Variants in PFKP observed in about 807,000 individuals in gnomAD.
PFKP encodes the protein phosphofructokinase, platelet, also known as ATP-dependent 6-phosphofructokinase, platelet type.
Under a neutral mutation model 94.3 loss-of-function variants are expected in PFKP, and 101 were observed. The ratio of observed to expected loss-of-function variants is 1.07; its 90% CI spans 0.91 to 1.26. The LOEUF (loss-of-function observed/expected upper bound fraction) is 1.26, where lower values mean the gene tolerates loss of function less well. PFKP is among the 50% of genes most tolerant of loss of function. PFKP has a pLI of 0.00. For synonymous variants in PFKP, 573 were observed against 432.6 expected, an observed-to-expected ratio of 1.32 and a Z score of -4.03; for missense variants, 1,145 against 1,103.3, an observed-to-expected ratio of 1.04 and a Z score of -0.53.
rs376674545 is a variant in PFKP, at chr10:3,135,872, C to A, written c.2225+34C>A. On this transcript the variant is annotated intron_variant, in intron 21 of 21. Coordinates refer to ENST00000381125, the MANE Select transcript of PFKP (RefSeq NM_002627.5). ...GCTGGGTTCCCTGAGGCAATAAGACCCCAATGTGAGTACGGGACAGGGGAA... is the reference window on the plus strand; with the variant it reads ...GCTGGGTTCCCTGAGGCAATAAGACACCAATGTGAGTACGGGACAGGGGAA... 9.2e-6 allele frequency: 12 copies of A among 1,307,366 alleles called. No homozygotes were observed. The African/African-American group carries it at 1.7e-4, about 19-fold the overall frequency. The allele number at this position is 1,307,366 out of a possible 1,614,324, so 81.0% of individuals were successfully genotyped here. A position where few individuals can be genotyped will look rare whatever the true frequency, so the allele number is the denominator to read the frequency against.
chr10:3,125,263 G>A lies in PFKP; in HGVS notation c.1684-4556G>A, dbSNP rs563460708. 46 of 1,283,756 alleles carry A rather than the reference G, an allele frequency of 3.6e-5. No individual in the cohort carries two copies. The South Asian group carries it at 4.1e-4, about 11-fold the overall frequency. 79.5% of individuals were successfully genotyped at this position (1,283,756 alleles called of 1,614,324 possible). A position where few individuals can be genotyped will look rare whatever the true frequency, so the allele number is the denominator to read the frequency against. ...GCTGTTGTTGAGGTAAGAGAACCCC[G>A]TTTCCTCTCATTGCTTTTCCGTCAT... On this transcript the variant is annotated intron_variant, in intron 16 of 21. Transcript: ENST00000381125.
chr10:3,092,929 T>C (rs12414599), intron 2 of PFKP, among the ~76,000 whole-genome samples: 26,521 of 145,252 alleles, frequency 0.18, 3,142 homozygotes, highest in East Asian at 0.49. Flanking sequence ...GATGTGTAGA[T>C]GGGGGTGGCC....
chr10:3,090,480 T>G (rs1184662577), intron 2 of PFKP, among the ~76,000 whole-genome samples: 1 of 152,202 alleles, frequency 6.6e-6, no homozygotes, highest in Non-Finnish European at 1.5e-5. Flanking sequence ...TCCATGGGTG[T>G]GTGGCCAGGT....
intron 1 of PFKP, 22 bp from the exon 2 acceptor site, chr10:3,082,366 C>T: frequency 1.9e-6 from 3 of 1,593,718 alleles, no homozygotes; most frequent in Non-Finnish European, 2.6e-6. Context: ...TTCAGTGACT[C>T]TTGCTCCTGT....
intron 1 of PFKP, among the ~76,000 whole-genome samples, chr10:3,079,491 C>T (rs1365229214): frequency 6.6e-6 from 1 of 152,140 alleles, no homozygotes; most frequent in Admixed American, 6.5e-5. Context: ...ACCTAGGCCT[C>T]CCAAAGCACT....
At chr10:3,132,077 C>T (rs1838649654) in intron 17 of PFKP, among the ~76,000 whole-genome samples, 1 of 152,096 alleles carries the variant, frequency 6.6e-6, no homozygotes, top group African/African-American at 2.4e-5. Flanking sequence ...GCAATAGAGC[C>T]ATGAATGATC....
chr10:3,086,879 C>G (rs1377805494), intron 2 of PFKP, among the ~76,000 whole-genome samples: 1 of 152,116 alleles, frequency 6.6e-6, no homozygotes, highest in East Asian at 1.9e-4. Context: ...TGTCCTCAGA[C>G]CTGTGCCTGC....
intron 10 of PFKP, among the ~76,000 whole-genome samples, chr10:3,111,806 C>T (rs756040449): frequency 6.6e-6 from 1 of 152,140 alleles, no homozygotes; most frequent in Non-Finnish European, 1.5e-5. Flanking sequence ...CATCCCACAT[C>T]CCCCAGTGAG....
chr10:3,135,947 G>A, intron 21 of PFKP, 109 bp downstream of exon 21: 1 of 703,696 alleles, frequency 1.4e-6, no homozygotes, highest in South Asian at 1.7e-5. Flanking sequence ...TGAGGAACTG[G>A]CTTTTCTGAA....
chr10:3,122,072 C>CT (rs1837489273), intron 16 of PFKP, among the ~76,000 whole-genome samples: 1 of 151,800 alleles, frequency 6.6e-6, no homozygotes, highest in Non-Finnish European at 1.5e-5. Context: ...ATCCCCCTGT[C>CT]TTGGGCTCTC....
chr10:3,104,913 G>T (rs1835386450), intron 5 of PFKP: 1 of 650,804 alleles, frequency 1.5e-6, no homozygotes, highest in African/African-American at 1.8e-5. Flanking sequence ...CCTCGCAGGA[G>T]TCTGGAAGGC....
intron 4 of PFKP, among the ~76,000 whole-genome samples, chr10:3,102,197 G>A (rs1403388434): frequency 7.8e-6 from 1 of 129,018 alleles, no homozygotes; most frequent in Non-Finnish European, 1.6e-5. Context: ...CTTGCAGTGA[G>A]CCGAGGTCCC....
At chr10:3,073,006 A>G (rs1025325462) in intron 1 of PFKP, among the ~76,000 whole-genome samples, 1 of 151,868 alleles carries the variant, frequency 6.6e-6, no homozygotes, top group Non-Finnish European at 1.5e-5. Flanking sequence ...TAGCTGCCCA[A>G]AGGCTACAGT....
chr10:3,127,951 A>G (rs1415791057), intron 16 of PFKP, among the ~76,000 whole-genome samples: 2 of 152,224 alleles, frequency 1.3e-5, no homozygotes, highest in African/African-American at 2.4e-5. Context: ...TGCTCAAGTG[A>G]ACATTTCCCA....
chr10:3,113,564 A>G, intron 13 of PFKP, 46 bp downstream of exon 13: 1 of 1,579,976 alleles, frequency 6.3e-7, no homozygotes, highest in East Asian at 2.2e-5. Flanking sequence ...CCTGGCTGTG[A>G]GCACAGTGGA....
chr10:3,068,557 T>G, intron 1 of PFKP: 1 of 512,014 alleles, frequency 2.0e-6, no homozygotes, highest in Non-Finnish European at 2.5e-6. Context: ...TTCCCTGCCC[T>G]GCAATGTGGA....
chr10:3,117,784 C>T (rs879345848), intron 14 of PFKP, among the ~76,000 whole-genome samples: 10 of 152,140 alleles, frequency 6.6e-5, no homozygotes, highest in Non-Finnish European at 1.2e-4. Context: ...AGGGCCAGGG[C>T]GTTGCTCTCG....
Position 3,135,235 on chromosome 10 carries a change from T to C in PFKP, c.2123-501T>C, listed in dbSNP as rs570016653. 2.6e-5 allele frequency among the ~76,000 whole-genome samples: 4 copies of C among 152,170 alleles called. No homozygotes were observed. The South Asian group carries it at 6.2e-4, about 24-fold the overall frequency. On this transcript the variant is annotated intron_variant, in intron 20 of 21. Transcript: ENST00000381125. ...TAATCAGTCATAGCAGATGTGTGCT[T>C]TTATTCCGGCAAACCACTATCACTG...
chr10:3,083,625 G>A (rs1258167123), intron 2 of PFKP, among the ~76,000 whole-genome samples: 4 of 142,686 alleles, frequency 2.8e-5, no homozygotes, highest in African/African-American at 1.0e-4. Flanking sequence ...TAGGTTTCAC[G>A]ACTGTTGCTT....
Sources: allele counts gnomAD v4.1 joint callset (sites outside exome capture counted in the v4.1 genomes callset), GRCh38; gene constraint gnomAD v4.1.1; transcripts MANE v1.5; gene names NCBI Gene and HGNC (gene_info 2026-07-23, HGNC 2026-07-21).